Variants in USP42 observed in about 807,000 individuals in gnomAD.
The protein encoded by USP42 is ubiquitin specific peptidase 42.
A neutral mutation model predicts 113.0 loss-of-function variants in USP42; 23 were observed. The observed-to-expected ratio is 0.20, with a 90% confidence interval of 0.15 to 0.29. USP42 has a LOEUF of 0.29. Among genes scored for constraint, USP42 ranks in the 10% least tolerant of loss-of-function variants. The pLI, the probability that USP42 is intolerant of heterozygous loss-of-function variation, is 1.00. For synonymous variants in USP42, 933 were observed against 699.0 expected (o/e 1.33, Z -5.28); for missense variants, 2,174 against 1,779.8 (o/e 1.22, Z -3.99).
rs1179144988 is a variant in USP42 at position 6,111,108 on chromosome 7, C to T, written c.-9-17C>T. 4 of 1,600,290 alleles carry T rather than the reference C, an allele frequency of 2.5e-6. No individual in the cohort carries two copies. Among genetic ancestry groups the T allele is most frequent in the Non-Finnish European group, 2.6e-6 (3 of 1,169,852 alleles). On this transcript the variant is annotated splice_polypyrimidine_tract_variant and intron_variant, in intron 1 of 17. Coordinates refer to ENST00000306177, the MANE Select transcript of USP42 (RefSeq NM_032172.3). Reference sequence around the variant, plus strand: ...TCTCACCTGATGAAACAAATACATACTTTTCATCTTTTGCAGAGTTGAACA... The same window carrying T: ...TCTCACCTGATGAAACAAATACATATTTTTCATCTTTTGCAGAGTTGAACA...
chr7:6,153,703 T>A, intron 14 of USP42, 53 bp from the exon 15 acceptor site: 1 of 1,419,768 alleles, frequency 7.0e-7, no homozygotes, highest in East Asian at 2.7e-5. Flanking sequence ...TGCAATGACA[T>A]GAGCCTGTCA....
At chr7:6,097,781 G>A in the USP42 span, among the ~76,000 whole-genome samples, 1 of 150,166 alleles carries the variant, frequency 6.7e-6, no homozygotes, top group Non-Finnish European at 1.5e-5. Context: ...TAGTAGAGGC[G>A]GGGTTTTACC....
chr7:6,152,819 T>C (rs1000893688), intron 14 of USP42: 29 of 405,636 alleles, frequency 7.1e-5, no homozygotes, highest in Non-Finnish European at 1.0e-5. Context: ...TGATTCCTCA[T>C]AATTTGTCAG....
At chr7:6,108,036 T>G (rs1369550700) in intron 1 of USP42, among the ~76,000 whole-genome samples, 2 of 152,026 alleles carry the variant, frequency 1.3e-5, no homozygotes, top group African/African-American at 4.8e-5. Flanking sequence ...ATACAAAAAT[T>G]AGCCGGGTGT....
At chr7:6,145,834 C>T (rs1230182699) in intron 10 of USP42, among the ~76,000 whole-genome samples, 178 bp downstream of exon 10, 1 of 152,208 alleles carries the variant, frequency 6.6e-6, no homozygotes, top group African/African-American at 2.4e-5. Flanking sequence ...CTTTGGGAGA[C>T]TGAGGCTGGG....
At position 6,159,607 on chromosome 7, in the gene USP42, A is replaced by T; in HGVS notation, c.*36+114A>T. ...GGGGGCTGGGCTCATAGGAGTTGGC[A>T]GAGCCATGGAGAGGCCCCGGCAGGT... On this transcript the variant is annotated intron_variant, in intron 17 of 17. Coordinates refer to ENST00000306177, the MANE Select transcript of USP42 (RefSeq NM_032172.3). The surrounding 1 kb of genome is among the most constrained non-coding windows in gnomAD (Gnocchi z 4.1). The T allele has an allele frequency of 9.4e-7, 1 of 1,064,012 alleles. No homozygotes were observed. The highest frequency in any genetic ancestry group is 1.4e-6 in the Non-Finnish European group (1 of 728,380). The allele number at this position is 1,064,012 out of a possible 1,614,324, so 65.9% of individuals were successfully genotyped here. A position where few individuals can be genotyped will look rare whatever the true frequency, so the allele number is the denominator to read the frequency against.
rs1782637649 is a variant in USP42, at chr7:6,159,328, C to G, written c.3944-122C>G. On this transcript the variant is annotated intron_variant, in intron 16 of 17. Coordinates refer to ENST00000306177, the MANE Select transcript of USP42 (RefSeq NM_032172.3). The surrounding 1 kb of genome is among the most constrained non-coding windows in gnomAD (Gnocchi z 4.1). ...CCTGCTCACCTCACTGGGGAGTGGC[C>G]TCAGGCGCTCACAGGGAACCGCAGT... The G allele has an allele frequency of 4.5e-6, 6 of 1,336,350 alleles. No individual in the cohort carries two copies. The highest frequency in any genetic ancestry group is 6.3e-6 in the Non-Finnish European group (6 of 948,486). 82.8% of individuals were successfully genotyped at this position (1,336,350 alleles called of 1,614,324 possible).
At chr7:6,111,634 G>C (rs1384593465) in intron 2 of USP42, among the ~76,000 whole-genome samples, 4 of 146,102 alleles carry the variant, frequency 2.7e-5, no homozygotes, top group African/African-American at 7.7e-5. Flanking sequence ...ACGGAGTCTC[G>C]CTCTGTCACC....
intron 8 of USP42, 42 bp downstream of exon 8, chr7:6,143,056 A>G (rs1365364212): frequency 1.2e-6 from 2 of 1,600,380 alleles, no homozygotes; most frequent in Admixed American, 3.3e-5. Flanking sequence ...CGGCTTCTCC[A>G]GTGGGGATGG....
the USP42 span, among the ~76,000 whole-genome samples, chr7:6,083,622 A>C: frequency 6.6e-6 from 1 of 150,560 alleles, no homozygotes; most frequent in East Asian, 1.9e-4. Flanking sequence ...AAACCGCAAT[A>C]AATATATGTA....
At chr7:6,152,225 C>T (rs1390642683) in intron 14 of USP42, among the ~76,000 whole-genome samples, 2 of 152,194 alleles carry the variant, frequency 1.3e-5, no homozygotes, top group African/African-American at 2.4e-5. Context: ...GCTCAGAGTG[C>T]GGCCGGATGT....
chr7:6,121,180 T>G (rs1780207886), intron 3 of USP42, among the ~76,000 whole-genome samples: 1 of 152,190 alleles, frequency 6.6e-6, no homozygotes, highest in Non-Finnish European at 1.5e-5. Context: ...CTCCATTACA[T>G]TGTTAAATAG....
At chr7:6,142,122 T>G (rs1157895414) in intron 7 of USP42, among the ~76,000 whole-genome samples, 3 of 152,232 alleles carry the variant, frequency 2.0e-5, no homozygotes, top group Non-Finnish European at 1.5e-5. Context: ...TTTGTTCACT[T>G]TAATTCTGCT....
chr7:6,114,676 ATATTTTTTT>A (rs1779805450), intron 2 of USP42, among the ~76,000 whole-genome samples: 1 of 31,268 alleles, frequency 3.2e-5, no homozygotes, highest in South Asian at 2.2e-3. Context: ...ATATATATAT[ATATTTTTTT>A]TTTTTTTTTT....
intron 11 of USP42, among the ~76,000 whole-genome samples, 151 bp downstream of exon 11, chr7:6,146,399 C>G (rs567293638): frequency 5.9e-4 from 90 of 152,054 alleles, no homozygotes; most frequent in African/African-American, 2.1e-3. Flanking sequence ...GTGCCTCACG[C>G]CTATAATCCT....
chr7:6,105,688 G>C (rs1424852303), intron 1 of USP42, among the ~76,000 whole-genome samples: 1 of 152,222 alleles, frequency 6.6e-6, no homozygotes, highest in African/African-American at 2.4e-5. Context: ...CGGGTGGCGC[G>C]TCCCCAAAAG....
At chr7:6,098,057 A>T in the USP42 span, among the ~76,000 whole-genome samples, 4 of 146,894 alleles carry the variant, frequency 2.7e-5, no homozygotes, top group Non-Finnish European at 6.0e-5. Context: ...GGCACACACC[A>T]CTACCCCACA....
At chr7:6,103,407 G>A (rs1231558367), upstream of USP42, among the ~76,000 whole-genome samples, 1 of 150,314 alleles carries the variant, frequency 6.7e-6, no homozygotes, top group East Asian at 1.9e-4. Flanking sequence ...GTGGTGGCGG[G>A]CATCTGTAAT....
At position 6,154,833 on chromosome 7, in the gene USP42, C is replaced by G; in HGVS notation, c.3279C>G (p.His1093Gln). ...HERAGLHERP[H>Q]KDHNRGRRGC... ...GGGCCGGGCTGCACGAGCGGCCGCA[C>G]AAGGACCACAACCGGGGCCGTAGGG... The change falls in exon 15 of 18, where the codon CAC (histidine) becomes CAG (glutamine). Residue 1093 changes from histidine (H) to glutamine (Q), a missense_variant. By Grantham distance (24) the His-to-Gln change is conservative. Coordinates refer to ENST00000306177, the MANE Select transcript of USP42 (RefSeq NM_032172.3). The G allele has an allele frequency of 6.5e-7, 1 of 1,540,154 alleles. No homozygotes were observed. Among genetic ancestry groups the G allele is most frequent in the Middle Eastern group, 1.7e-4 (1 of 5,830 alleles).
Sources: allele counts gnomAD v4.1 joint callset (sites outside exome capture counted in the v4.1 genomes callset), GRCh38; gene constraint gnomAD v4.1.1; non-coding constraint Gnocchi (gnomAD v3.1); transcripts MANE v1.5; gene names NCBI Gene and HGNC (gene_info 2026-07-23, HGNC 2026-07-21).